The following ADH1C variants were observed in gnomAD, a reference collection of about 807,000 sequenced individuals.
The protein encoded by ADH1C is alcohol dehydrogenase 1C.
A neutral mutation model predicts 35.0 loss-of-function variants in ADH1C; 26 were observed. The ratio of observed to expected loss-of-function variants is 0.74; its 90% confidence interval spans 0.54 to 1.03. ADH1C has a LOEUF of 1.03. ADH1C is among the 50% of genes least tolerant of loss of function. The pLI, the probability that ADH1C is intolerant of heterozygous loss-of-function variation, is 0.00. For missense variants in ADH1C, 413 were observed against 465.4 expected, an observed-to-expected ratio of 0.89 and a Z score of 1.04; for synonymous variants, 170 against 169.3, an observed-to-expected ratio of 1.00 and a Z score of -0.03.
intron 8 of ADH1C, among the ~76,000 whole-genome samples, chr4:99,338,722 G>A (rs1477303089): frequency 6.8e-6 from 1 of 147,836 alleles, no homozygotes; most frequent in Non-Finnish European, 1.5e-5. Flanking sequence ...AATATTTGTC[G>A]GATAAAGTAT....
In ADH1C at chr4:99,352,671, C is replaced by T. The variant is rs781079400; in HGVS notation, c.5G>A (p.Ser2Asn). 67 of 1,612,616 alleles carry T rather than the reference C, an allele frequency of 4.2e-5. No homozygotes were observed. Among genetic ancestry groups the T allele is most frequent in the Admixed American group, 6.7e-5 (4 of 59,976 alleles). M[S>N]TAGKVIKCKA... is the part of the protein sequence containing the mutation. ...TTTTTTGCTTACTTTTCCTGCTGTGCTCATATTGATTCTGTCTTCTCTGCA... is the reference window on the plus strand; with the variant it reads ...TTTTTTGCTTACTTTTCCTGCTGTGTTCATATTGATTCTGTCTTCTCTGCA... Residue 2 changes from serine (S) to asparagine (N), a missense_variant, in exon 1 of 9, where the codon AGC becomes AAC. Transcript: ENST00000515683.
chr4:99,345,395 A>T lies in ADH1C; in HGVS notation c.260-129T>A, dbSNP rs1734509545. 10 of 987,038 alleles carry T rather than the reference A, an allele frequency of 1.0e-5. No individual in the cohort carries two copies. The Admixed American group carries it at 1.1e-4, about 11-fold the overall frequency. The allele number at this position is 987,038 out of a possible 1,614,324, so 61.1% of individuals were successfully genotyped here. ...TTTCTAAGAAATAGGGTCTAGTCACAACTATGTCATTTGTCATTGCCTGCC... is the reference window on the plus strand; with the variant it reads ...TTTCTAAGAAATAGGGTCTAGTCACTACTATGTCATTTGTCATTGCCTGCC... On this transcript the variant is annotated intron_variant, in intron 3 of 8. Transcript: ENST00000515683.
At chr4:99,337,555 AAAG>A (rs750989778) in intron 8 of ADH1C, among the ~76,000 whole-genome samples, 2 of 152,116 alleles carry the variant, frequency 1.3e-5, no homozygotes, top group African/African-American at 2.4e-5. Context: ...ACTTTTAAGA[AAAG>A]AAGATATTTG....
Position 99,340,726 on chromosome 4 carries a change from C to T in ADH1C, c.829-16G>A. 2 of 1,612,104 alleles carry T rather than the reference C, an allele frequency of 1.2e-6. No homozygotes were observed. The highest frequency in any genetic ancestry group is 1.7e-6 in the Non-Finnish European group (2 of 1,179,908). On this transcript the variant is annotated splice_polypyrimidine_tract_variant and intron_variant, in intron 6 of 8. Coordinates refer to ENST00000515683, the MANE Select transcript of ADH1C (RefSeq NM_000669.5). ...GGGAAGCCATCTGGAATAAAGTGAA[C>T]ATTTAGTATCCTTAACGTGGAGTGG...
chr4:99,342,730 C>A (rs1579529874), intron 6 of ADH1C, 65 bp downstream of exon 6: 4 of 1,604,550 alleles, frequency 2.5e-6, no homozygotes, highest in Non-Finnish European at 3.4e-6. Flanking sequence ...TACGTATATT[C>A]TACTGCCTAA....
At chr4:99,338,468 G>T (rs1310207208) in intron 8 of ADH1C, among the ~76,000 whole-genome samples, 2 of 118,386 alleles carry the variant, frequency 1.7e-5, no homozygotes, top group African/African-American at 3.2e-5. Context: ...GGGTGGTGTG[G>T]TTTAATAGAA....
chr4:99,336,786 G>C lies in ADH1C; in HGVS notation c.1104-10C>G, dbSNP rs375726509. The C allele has an allele frequency of 1.2e-4, 198 of 1,613,480 alleles. No homozygotes were observed. The highest frequency in any genetic ancestry group is 2.0e-4 in the Admixed American group (12 of 59,932). ...CAGGACGGTACGGATACTGCAATAGGAAAGAAGAGACATTGTGTTAACATT... is the reference window on the plus strand; with the variant it reads ...CAGGACGGTACGGATACTGCAATAGCAAAGAAGAGACATTGTGTTAACATT... On this transcript the variant is annotated splice_polypyrimidine_tract_variant and intron_variant, in intron 8 of 8. Coordinates refer to ENST00000515683, the MANE Select transcript of ADH1C (RefSeq NM_000669.5).
At chr4:99,347,673 G>A (rs1734568957) in intron 2 of ADH1C, 72 bp downstream of exon 2, 1 of 1,374,330 alleles carries the variant, frequency 7.3e-7, no homozygotes, top group Admixed American at 2.3e-5. Flanking sequence ...GTGGATTTTG[G>A]ATGTTTCTAT....
intron 1 of ADH1C, chr4:99,350,992 G>C (rs1347131555): frequency 6.6e-6 from 1 of 152,120 alleles, no homozygotes; most frequent in East Asian, 1.9e-4. Context: ...GCTAAAATTA[G>C]CCAAGCATGG....
At chr4:99,338,547 T>G (rs1335439244) in intron 8 of ADH1C, among the ~76,000 whole-genome samples, 1 of 148,096 alleles carries the variant, frequency 6.8e-6, no homozygotes, top group Non-Finnish European at 1.5e-5. Context: ...ACCTGATGAT[T>G]TTGACCAAGT....
intron 8 of ADH1C, among the ~76,000 whole-genome samples, chr4:99,337,402 A>T (rs1734302522): frequency 6.6e-6 from 1 of 152,142 alleles, no homozygotes; most frequent in African/African-American, 2.4e-5. Flanking sequence ...TAGACCTTTG[A>T]TACAGAGATG....
rs375611729 is a variant in ADH1C, at chr4:99,347,189, C to T, written c.121-45G>A. On this transcript the variant is annotated intron_variant, in intron 2 of 8. Coordinates refer to ENST00000515683, the MANE Select transcript of ADH1C (RefSeq NM_000669.5). Reference sequence around the variant, plus strand: ...TGTTTAGATTCAGAAAAGATTATGACTGTCAGATGGACTTAACAAACCCAA... The same window carrying T: ...TGTTTAGATTCAGAAAAGATTATGATTGTCAGATGGACTTAACAAACCCAA... 29 of 1,590,258 alleles carry T rather than the reference C, an allele frequency of 1.8e-5. No homozygotes were observed. In the African/African-American group the frequency reaches 2.3e-4, roughly 13 times the overall value.
rs1789915 is a variant in ADH1C at position 99,345,214 on chromosome 4, A to G, written c.312T>C (p.Cys104=). 0.28 allele frequency: 458,816 copies of G among 1,612,418 alleles called. 70,442 individuals are homozygous for G. Among genetic ancestry groups the G allele is most frequent in the Non-Finnish European group, 0.31 (370,838 of 1,178,718 alleles). Residue 104 remains cysteine (C), a synonymous_variant, in exon 4 of 9, where the codon TGT becomes TGC. Transcript: ENST00000515683. ...AGCAGTAGTTGCTTTCTGGGTTTTTACAAATTCTGCATTTTCCACACTGAG... is the reference window on the plus strand; with the variant it reads ...AGCAGTAGTTGCTTTCTGGGTTTTTGCAAATTCTGCATTTTCCACACTGAG... ...FTPQCGKCRI[C]KNPESNYCLK... is the part of the protein sequence containing the mutation.
At position 99,344,870 on chromosome 4, in the gene ADH1C, C is replaced by A; in HGVS notation, c.559G>T (p.Val187Phe). The change falls in exon 5 of 9, where the codon GTT (valine) becomes TTT (phenylalanine). Residue 187 changes from valine (V) to phenylalanine (F), a missense_variant. Physicochemically the swap from Val to Phe is conservative, Grantham distance 50. Transcript: ENST00000515683. Reference protein sequence around the residue: ...FSTGYGSAVKVAKVTPGSTCA... With the variant: ...FSTGYGSAVKFAKVTPGSTCA... ...TCCATTGTCATTTCTACCTTGGCAA[C>A]TTTGACTGCAGACCCATAACCAGTC... 1.2e-6 allele frequency: 2 copies of A among 1,614,140 alleles called. No individual in the cohort carries two copies. The highest frequency in any genetic ancestry group is 1.7e-6 in the Non-Finnish European group (2 of 1,179,980).
At chr4:99,339,537 T>G in intron 8 of ADH1C, 40 bp downstream of exon 8, 30 of 1,111,268 alleles carry the variant, frequency 2.7e-5, no homozygotes, top group Admixed American at 5.0e-5. Context: ...GCCGCTACTG[T>G]AGAATACAAA....
At chr4:99,348,102 T>TTTATA (rs1734584705) in intron 1 of ADH1C, among the ~76,000 whole-genome samples, 1 of 151,476 alleles carries the variant, frequency 6.6e-6, no homozygotes, top group Non-Finnish European at 1.5e-5. Flanking sequence ...AGGTTATTCT[T>TTTATA]TTTTATTTTA....
chr4:99,342,071 T>C (rs959832472), intron 6 of ADH1C, among the ~76,000 whole-genome samples: 8 of 152,140 alleles, frequency 5.3e-5, no homozygotes, highest in Middle Eastern at 3.4e-3. Flanking sequence ...CTGCTGACAT[T>C]TATTGGAAGC....
chr4:99,345,774 A>T (rs1693428), intron 3 of ADH1C, among the ~76,000 whole-genome samples: 47,492 of 152,062 alleles, frequency 0.31, 8,856 homozygotes, highest in Non-Finnish European at 0.41. Flanking sequence ...GGTTTATCTT[A>T]ATTATAAAAT....
At chr4:99,347,189 C>A in intron 2 of ADH1C, 45 bp from the exon 3 acceptor site, 1 of 1,590,376 alleles carries the variant, frequency 6.3e-7, no homozygotes, top group Non-Finnish European at 8.5e-7. Flanking sequence ...AAGATTATGA[C>A]TGTCAGATGG....
Sources: allele counts gnomAD v4.1 joint callset (sites outside exome capture counted in the v4.1 genomes callset), GRCh38; gene constraint gnomAD v4.1.1; transcripts MANE v1.5; gene names NCBI Gene and HGNC (gene_info 2026-07-23, HGNC 2026-07-21).